PARD3B: variants seen among roughly 807,000 people sequenced by gnomAD.
The protein encoded by PARD3B is partitioning defective 3 homolog B.
In PARD3B, 103 loss-of-function variants were observed where a neutral mutation model predicts 130.2. The observed-to-expected ratio is 0.79, with a 90% CI of 0.67 to 0.93. The LOEUF (loss-of-function observed/expected upper bound fraction) is 0.93. Ranked by LOEUF, PARD3B falls within the 40% of genes least tolerant of loss-of-function variation. The probability of loss-of-function intolerance (pLI) is 0.00; values close to 1 mark genes in which losing one functional copy is unlikely to be tolerated. For missense variants in PARD3B, 1,609 were observed against 1,499.2 expected (o/e 1.07, Z -1.21); for synonymous variants, 583 against 553.2 (o/e 1.05, Z -0.76).
At chr2:205,485,824 C>G (rs928488434) in intron 20 of PARD3B, among the ~76,000 whole-genome samples, 2 of 152,210 alleles carry the variant, frequency 1.3e-5, no homozygotes, top group Non-Finnish European at 2.9e-5. Context: ...CAGCCACCCT[C>G]TCTTTATCCT....
intron 18 of PARD3B, among the ~76,000 whole-genome samples, chr2:205,383,403 C>A (rs1210213920): frequency 6.6e-6 from 1 of 151,988 alleles, no homozygotes; most frequent in East Asian, 1.9e-4. Flanking sequence ...TACCCTAGTA[C>A]TAAGCAGAGT....
chr2:204,747,902 G>A (rs753010320), intron 2 of PARD3B, among the ~76,000 whole-genome samples: 2 of 152,088 alleles, frequency 1.3e-5, no homozygotes, highest in Non-Finnish European at 2.9e-5. Flanking sequence ...GGCTTAGGCT[G>A]TAAAATTGGC....
intron 2 of PARD3B, among the ~76,000 whole-genome samples, chr2:204,765,300 G>GTCC (rs1441068687): frequency 6.6e-6 from 1 of 152,124 alleles, no homozygotes; most frequent in Non-Finnish European, 1.5e-5. Flanking sequence ...GGGGTTGGAG[G>GTCC]CCACAGTCTG....
chr2:205,470,882 G>C lies in PARD3B; in HGVS notation c.3045-29014G>C, dbSNP rs752723573. ...CATTACAGACAAGTAGACATGGAAGGATACTTTAAAACAAAGTGTGTTTTC... is the reference window on the plus strand; with the variant it reads ...CATTACAGACAAGTAGACATGGAAGCATACTTTAAAACAAAGTGTGTTTTC... On this transcript the variant is annotated intron_variant, in intron 20 of 22. Coordinates refer to ENST00000406610, the MANE Select transcript of PARD3B (RefSeq NM_001302769.2). The surrounding 1 kb of genome is among the most constrained non-coding windows in gnomAD (Gnocchi z 4.8). 7.2e-5 allele frequency among the ~76,000 whole-genome samples: 11 copies of C among 152,290 alleles called. No individual in the cohort carries two copies. The highest frequency in any genetic ancestry group is 1.6e-4 in the Non-Finnish European group (11 of 68,020).
chr2:204,729,266 A>G (rs2039379897), intron 2 of PARD3B, among the ~76,000 whole-genome samples: 1 of 152,186 alleles, frequency 6.6e-6, no homozygotes, highest in Non-Finnish European at 1.5e-5. Flanking sequence ...TTTCATTGCC[A>G]AATCTTTTCT....
At chr2:205,544,546 A>T (rs932883883) in intron 21 of PARD3B, among the ~76,000 whole-genome samples, 6 of 152,150 alleles carry the variant, frequency 3.9e-5, no homozygotes, top group African/African-American at 1.4e-4. Flanking sequence ...ACTGTATCTT[A>T]GGCCCAGACA....
chr2:204,856,026 C>T (rs975181642), intron 2 of PARD3B, among the ~76,000 whole-genome samples: 1 of 152,104 alleles, frequency 6.6e-6, no homozygotes, highest in Non-Finnish European at 1.5e-5. Context: ...GTGCAGATAT[C>T]TCTTTGACAT....
At chr2:205,435,849 T>G (rs1482753797) in intron 19 of PARD3B, among the ~76,000 whole-genome samples, 1 of 152,186 alleles carries the variant, frequency 6.6e-6, no homozygotes, top group Non-Finnish European at 1.5e-5. Context: ...TAGTCTTAGT[T>G]TTATATTTAA....
chr2:204,670,862 G>A (rs1046124672), intron 1 of PARD3B, among the ~76,000 whole-genome samples: 5 of 151,756 alleles, frequency 3.3e-5, no homozygotes, highest in Admixed American at 6.6e-5. Context: ...CTTTTTTTCC[G>A]TTCTTTTTAA....
rs1034980017 is a variant in PARD3B, at chr2:205,183,976, C to T, written c.1925-1788C>T. On this transcript the variant is annotated intron_variant, in intron 13 of 22. Coordinates refer to ENST00000406610, the MANE Select transcript of PARD3B (RefSeq NM_001302769.2). This position sits in a 1 kb window ranked among gnomAD's most constrained non-coding sequence, Gnocchi z 5.2. ...GAGACTCAGGAAGAACTGATGTTTC[C>T]GTTTGGGTCTGAAGATAGAAAAAAG... Among the ~76,000 whole-genome samples the T allele has an allele frequency of 6.6e-6, 1 of 150,944 alleles. No homozygotes were observed. Among genetic ancestry groups the T allele is most frequent in the Admixed American group, 6.6e-5 (1 of 15,186 alleles).
intron 1 of PARD3B, among the ~76,000 whole-genome samples, chr2:204,659,431 C>A (rs1482757675): frequency 6.6e-6 from 1 of 152,092 alleles, no homozygotes; most frequent in Non-Finnish European, 1.5e-5. Flanking sequence ...ACAGGGAAAT[C>A]AAATTCCCTG....
At chr2:204,579,716 G>A (rs2032450276) in intron 1 of PARD3B, among the ~76,000 whole-genome samples, 1 of 151,402 alleles carries the variant, frequency 6.6e-6, no homozygotes, top group African/African-American at 2.5e-5. Flanking sequence ...CAGATTAGTT[G>A]TGAACATGGA....
intron 2 of PARD3B, among the ~76,000 whole-genome samples, chr2:204,693,286 A>G (rs904352838): frequency 9.2e-5 from 14 of 151,994 alleles, no homozygotes; most frequent in African/African-American, 3.1e-4. Context: ...GGTTACTGTA[A>G]TTGACAAGAA....
chr2:204,977,298 A>G (rs766562325), intron 3 of PARD3B, among the ~76,000 whole-genome samples: 5 of 152,162 alleles, frequency 3.3e-5, no homozygotes, highest in Admixed American at 6.5e-5. Context: ...TTCTTTTACA[A>G]TTGGTAAGTG....
intron 3 of PARD3B, among the ~76,000 whole-genome samples, chr2:205,035,050 A>T (rs1171729450): frequency 1.3e-5 from 2 of 151,908 alleles, no homozygotes; most frequent in Admixed American, 6.6e-5. Flanking sequence ...TTTAGTAGAG[A>T]CAGGGTTTCA....
intron 2 of PARD3B, among the ~76,000 whole-genome samples, chr2:204,709,144 G>GA (rs922472905): frequency 1.3e-4 from 19 of 150,816 alleles, no homozygotes; most frequent in Non-Finnish European, 1.9e-4. Flanking sequence ...TTACCCTTTT[G>GA]AAAAAAAAAT....
intron 2 of PARD3B, among the ~76,000 whole-genome samples, chr2:204,874,806 A>G (rs2045771400): frequency 6.6e-6 from 1 of 152,184 alleles, no homozygotes; most frequent in African/African-American, 2.4e-5. Flanking sequence ...GCTTGGTTCT[A>G]CAAGTGCATA....
chr2:205,173,234 A>G (rs2035276465), intron 12 of PARD3B, among the ~76,000 whole-genome samples: 1 of 152,226 alleles, frequency 6.6e-6, no homozygotes, highest in Non-Finnish European at 1.5e-5. Context: ...ATAAAGTACT[A>G]GTTTTAATAA....
intron 15 of PARD3B, among the ~76,000 whole-genome samples, chr2:205,239,840 A>G (rs1181620680): frequency 2.6e-5 from 4 of 152,216 alleles, no homozygotes; most frequent in Non-Finnish European, 5.9e-5. Context: ...GAGATGGAAC[A>G]CAGTGCTTTT....
Sources: gnomAD v4.1 joint callset for allele counts (sites outside exome capture counted in the v4.1 genomes callset) on GRCh38, gnomAD v4.1.1 for gene constraint, Gnocchi (gnomAD v3.1) non-coding constraint, MANE v1.5 for transcripts, NCBI Gene and HGNC (gene_info 2026-07-23, HGNC 2026-07-21) for gene names.